The following VRK1 variants were observed in gnomAD, a reference collection of about 807,000 sequenced individuals.
VRK1 encodes serine/threonine-protein kinase VRK1.
VRK1 carries 33 observed loss-of-function variants against 57.1 expected under a neutral mutation model. The observed-to-expected ratio is 0.58, with a 90% confidence interval of 0.44 to 0.77. VRK1 has a LOEUF of 0.77. Ranked by LOEUF, VRK1 falls within the 30% of genes least tolerant of loss-of-function variation. The pLI is 0.00. For synonymous variants in VRK1, 137 were observed against 147.8 expected (o/e 0.93, Z 0.53); for missense variants, 413 against 477.3 (o/e 0.87, Z 1.25).
chr14:96,877,959 G>A (rs537728696), intron 12 of VRK1, among the ~76,000 whole-genome samples: 4 of 152,196 alleles, frequency 2.6e-5, no homozygotes, highest in African/African-American at 9.6e-5. Context: ...TGACAAAAGA[G>A]TATAGTAAAG....
chr14:96,819,734 G>A (rs961784648), intron 1 of VRK1, among the ~76,000 whole-genome samples: 5 of 152,168 alleles, frequency 3.3e-5, no homozygotes, highest in East Asian at 3.8e-4. Context: ...TTGTGCAAGC[G>A]TTTTCCCTGC....
chr14:96,851,481 C>T (rs1434975916), intron 5 of VRK1, among the ~76,000 whole-genome samples: 2 of 152,074 alleles, frequency 1.3e-5, no homozygotes, highest in Non-Finnish European at 2.9e-5. Flanking sequence ...ATCACTTTAC[C>T]TCCAAAGACC....
chr14:96,862,827 T>A (rs181240418), intron 11 of VRK1, among the ~76,000 whole-genome samples: 1 of 152,346 alleles, frequency 6.6e-6, no homozygotes, highest in East Asian at 1.9e-4. Flanking sequence ...AATTAGTACA[T>A]TTGTTTCCTC....
intron 1 of VRK1, among the ~76,000 whole-genome samples, chr14:96,816,450 A>G (rs1886398991): frequency 1.3e-5 from 2 of 152,134 alleles, no homozygotes. Flanking sequence ...ACTTCCTGAC[A>G]GCATCCAATG....
chr14:96,805,719 A>G (rs1885845946), intron 1 of VRK1, among the ~76,000 whole-genome samples: 1 of 152,188 alleles, frequency 6.6e-6, no homozygotes, highest in South Asian at 2.1e-4. Flanking sequence ...TTCCATTAAG[A>G]AAAAAATCAG....
intron 11 of VRK1, among the ~76,000 whole-genome samples, chr14:96,872,758 A>G (rs1351457243): frequency 6.6e-6 from 1 of 152,208 alleles, no homozygotes; most frequent in Non-Finnish European, 1.5e-5. Flanking sequence ...TAGTTTCATA[A>G]ATATTGTGGC....
At chr14:96,865,042 T>C (rs984258711) in intron 11 of VRK1, among the ~76,000 whole-genome samples, 3 of 152,190 alleles carry the variant, frequency 2.0e-5, no homozygotes, top group Admixed American at 2.0e-4. Context: ...TTTTCACTCT[T>C]AATATGGTAT....
chr14:96,873,975 T>C (rs1424886711), intron 11 of VRK1, among the ~76,000 whole-genome samples: 1 of 152,188 alleles, frequency 6.6e-6, no homozygotes, highest in Admixed American at 6.5e-5. Context: ...TACTGTCTGA[T>C]TTTCCTTCCT....
At chr14:96,826,117 G>A (rs1238994865) in intron 1 of VRK1, among the ~76,000 whole-genome samples, 1 of 152,094 alleles carries the variant, frequency 6.6e-6, no homozygotes, top group Non-Finnish European at 1.5e-5. Flanking sequence ...GTACCATATT[G>A]TGATAAATAT....
chr14:96,817,667 A>G (rs751267740), intron 1 of VRK1, among the ~76,000 whole-genome samples: 69 of 152,202 alleles, frequency 4.5e-4, no homozygotes, highest in Non-Finnish European at 6.0e-4. Context: ...ATAGATTATT[A>G]TATAGTGAAC....
intron 1 of VRK1, 119 bp from the exon 2 acceptor site, chr14:96,833,348 A>T: frequency 8.9e-7 from 1 of 1,120,662 alleles, no homozygotes; most frequent in Non-Finnish European, 1.3e-6. Flanking sequence ...GGTATCCTTT[A>T]AGTTTTGGAG....
chr14:96,829,264 T>C (rs1481804801), intron 1 of VRK1, among the ~76,000 whole-genome samples: 2 of 151,546 alleles, frequency 1.3e-5, no homozygotes, highest in African/African-American at 4.8e-5. Flanking sequence ...TCATTGAGTA[T>C]GAGAGGATTT....
At chr14:96,807,318 C>A (rs1885919795) in intron 1 of VRK1, among the ~76,000 whole-genome samples, 1 of 152,192 alleles carries the variant, frequency 6.6e-6, no homozygotes. Flanking sequence ...ATCCCTCTTC[C>A]ACGTAACATC....
intron 1 of VRK1, among the ~76,000 whole-genome samples, chr14:96,822,647 AT>A (rs1886647556): frequency 1.3e-5 from 2 of 152,240 alleles, no homozygotes; most frequent in Admixed American, 1.3e-4. Flanking sequence ...TTAGCAAAAA[AT>A]ATAACAAATG....
chr14:96,826,093 GT>G (rs1266558752), intron 1 of VRK1, among the ~76,000 whole-genome samples: 1 of 152,152 alleles, frequency 6.6e-6, no homozygotes, highest in African/African-American at 2.4e-5. Context: ...AAGAATGCCA[GT>G]TGTCTAAATA....
At chr14:96,828,135 G>A (rs1019834752) in intron 1 of VRK1, among the ~76,000 whole-genome samples, 2 of 142,890 alleles carry the variant, frequency 1.4e-5, no homozygotes, top group South Asian at 2.3e-4. Context: ...ATGTCCATCC[G>A]TCTTACTATA....
rs552582847 is a variant in VRK1, at chr14:96,825,496, T to G, written c.-5-7971T>G. ...TAATTTTATGGATTTAGTGAATTCCTGCTAACTACAATGTATTGTGACTAA... is the reference window on the plus strand; with the variant it reads ...TAATTTTATGGATTTAGTGAATTCCGGCTAACTACAATGTATTGTGACTAA... On this transcript the variant is annotated intron_variant, in intron 1 of 12. Transcript: ENST00000216639. 2.6e-5 allele frequency among the ~76,000 whole-genome samples: 4 copies of G among 152,334 alleles called. No homozygotes were observed. The South Asian group carries it at 8.3e-4, about 32-fold the overall frequency.
At chr14:96,862,539 C>T (rs1443482542) in intron 11 of VRK1, among the ~76,000 whole-genome samples, 9 of 139,628 alleles carry the variant, frequency 6.4e-5, no homozygotes, top group African/African-American at 2.4e-4. Context: ...AGTGAAAGAA[C>T]TGGACCAGAC....
intron 3 of VRK1, among the ~76,000 whole-genome samples, chr14:96,842,077 T>C (rs1887485481): frequency 1.3e-5 from 2 of 152,204 alleles, no homozygotes; most frequent in African/African-American, 4.8e-5. Context: ...TTTTAAGTTA[T>C]CTGATAAGGA....
Sources: gnomAD v4.1 joint callset for allele counts (sites outside exome capture counted in the v4.1 genomes callset) on GRCh38, gnomAD v4.1.1 for gene constraint, MANE v1.5 for transcripts, NCBI Gene and HGNC (gene_info 2026-07-23, HGNC 2026-07-21) for gene names.